The following PCDHGA3 variants were observed in gnomAD, a reference collection of about 807,000 sequenced individuals.
PCDHGA3 encodes the protein protocadherin gamma subfamily A, 3.
Under a neutral mutation model 58.5 loss-of-function variants are expected in PCDHGA3, and 40 were observed. That is an observed-to-expected ratio of 0.68 (90% CI 0.53 to 0.89). PCDHGA3 has a LOEUF of 0.89. Among genes scored for constraint, PCDHGA3 ranks in the 40% least tolerant of loss-of-function variants. PCDHGA3 has a pLI of 0.00. For synonymous variants in PCDHGA3, 530 were observed against 525.7 expected (o/e 1.01, Z -0.11); for missense variants, 1,223 against 1,195.9 (o/e 1.02, Z -0.33).
chr5:141,403,073 A>G (rs920382925), intron 1 of PCDHGA3: 4 of 1,614,056 alleles, frequency 2.5e-6, no homozygotes, highest in Non-Finnish European at 3.4e-6. Context: ...AGAGACAGAA[A>G]AGGGCTATAT....
At chr5:141,355,018 A>T in intron 1 of PCDHGA3, 1 of 878,880 alleles carries the variant, frequency 1.1e-6, no homozygotes, top group Non-Finnish European at 1.6e-6. Flanking sequence ...CAGAAATTTA[A>T]TCAGAATCAC....
chr5:141,423,121 G>T lies in PCDHGA3; in HGVS notation c.2425-71686G>T, dbSNP rs368205535. The T allele has an allele frequency of 5.6e-6, 9 of 1,613,680 alleles. No homozygotes were observed. The African/African-American group carries it at 1.1e-4, about 19-fold the overall frequency. ...CACGGGCGAGGTGCGTACAGCGCGG[G>T]CACTGCTGGACAGAGACGCGCTCAA... On this transcript the variant is annotated intron_variant, in intron 1 of 3. Coordinates refer to ENST00000253812, the MANE Select transcript of PCDHGA3 (RefSeq NM_018916.4).
chr5:141,363,555 G>A (rs758250718), intron 1 of PCDHGA3, among the ~76,000 whole-genome samples: 2 of 152,096 alleles, frequency 1.3e-5, no homozygotes, highest in Non-Finnish European at 2.9e-5. Flanking sequence ...ATTTGAACAT[G>A]GTAATAGAAA....
Position 141,370,565 on chromosome 5 carries a change from C to T in PCDHGA3, c.2424+24108C>T, listed in dbSNP as rs776498616. ...ACCTCGCCAAGGACCTGGGGTTTGG[C>T]GTGGGGGATTTACCTACTAGGAACC... On this transcript the variant is annotated intron_variant, in intron 1 of 3. Transcript: ENST00000253812. The T allele has an allele frequency of 1.9e-5, 31 of 1,613,664 alleles. No individual in the cohort carries two copies. In the Admixed American group the frequency reaches 5.2e-4, roughly 27 times the overall value.
intron 1 of PCDHGA3, chr5:141,375,260 G>A: frequency 6.2e-7 from 1 of 1,613,874 alleles, no homozygotes; most frequent in Non-Finnish European, 8.5e-7. Flanking sequence ...TCTCCCATTT[G>A]AATTGGAAAA....
chr5:141,383,615 C>G lies in PCDHGA3; in HGVS notation c.2424+37158C>G, dbSNP rs17097251. 9.9e-6 allele frequency: 16 copies of G among 1,613,694 alleles called. No homozygotes were observed. The Admixed American group carries it at 2.3e-4, about 24-fold the overall frequency. On this transcript the variant is annotated intron_variant, in intron 1 of 3. Coordinates refer to ENST00000253812, the MANE Select transcript of PCDHGA3 (RefSeq NM_018916.4). The stretch of plus-strand genomic sequence containing the variant: ...ACAGTGGTGGATGTGAATGACCACA[C>G]GCCTGTCTTCTCTCTGCCTCAGTAC...
intron 1 of PCDHGA3, chr5:141,351,130 C>A (rs1758652135): frequency 1.2e-6 from 2 of 1,614,058 alleles, no homozygotes; most frequent in Non-Finnish European, 1.7e-6. Flanking sequence ...TCTTCAATCT[C>A]AATCCAAATA....
At chr5:141,505,081 G>A (rs2099843521) in intron 2 of PCDHGA3, among the ~76,000 whole-genome samples, 3 of 152,146 alleles carry the variant, frequency 2.0e-5, no homozygotes, top group Admixed American at 2.0e-4. Flanking sequence ...AGAATCGCTT[G>A]AACCCAGGAG....
Position 141,418,146 on chromosome 5 carries a change from G to A in PCDHGA3, c.2424+71689G>A, listed in dbSNP as rs755513829. The A allele has an allele frequency of 1.1e-5, 18 of 1,613,970 alleles. No homozygotes were observed. In the South Asian group the frequency reaches 1.6e-4, roughly 15 times the overall value. ...GACCGAATAGACCGTGAGCAAATAT[G>A]CAAAGAGAGAAGAAGATGTGAGTTG... is the stretch of plus-strand genomic sequence containing the variant. On this transcript the variant is annotated intron_variant, in intron 1 of 3. Transcript: ENST00000253812.
At chr5:141,421,601 T>C (rs1309928984) in intron 1 of PCDHGA3, 19 of 1,613,652 alleles carry the variant, frequency 1.2e-5, no homozygotes, top group Non-Finnish European at 1.6e-5. Context: ...GTGGAAATAA[T>C]AGATATTAAT....
intron 1 of PCDHGA3, chr5:141,418,485 A>T: frequency 6.2e-7 from 1 of 1,614,028 alleles, no homozygotes; most frequent in Non-Finnish European, 8.5e-7. Flanking sequence ...AGCGCTCACC[A>T]CTTGGTACTG....
intron 1 of PCDHGA3, chr5:141,362,490 C>T: frequency 6.2e-7 from 1 of 1,614,048 alleles, no homozygotes; most frequent in Non-Finnish European, 8.5e-7. Flanking sequence ...GTGACAATGC[C>T]TCTTGGGAAC....
At position 141,433,290 on chromosome 5, in the gene PCDHGA3, C is replaced by T. The variant is rs186668064; in HGVS notation, c.2425-61517C>T. ...CTCACTGCAGCCTCAAACTCCTAGG[C>T]TCAAGCAATTATCCCACCTTTGCCT... On this transcript the variant is annotated intron_variant, in intron 1 of 3. Transcript: ENST00000253812. The T allele has an allele frequency of 1.6e-3, 1,738 of 1,107,746 alleles. 60 individuals carry two copies. In the Admixed American group the frequency reaches 0.041, roughly 26 times the overall value. 68.6% of individuals were successfully genotyped at this position (1,107,746 alleles called of 1,614,324 possible). A position where few individuals can be genotyped will look rare whatever the true frequency, so the allele number is the denominator to read the frequency against.
chr5:141,414,849 C>G (rs10038103), intron 1 of PCDHGA3: 1 of 1,614,134 alleles, frequency 6.2e-7, no homozygotes, highest in African/African-American at 1.3e-5. Flanking sequence ...TTGTGCTGGA[C>G]CAGAACGACA....
intron 1 of PCDHGA3, chr5:141,400,120 C>T: frequency 1.2e-6 from 2 of 1,614,076 alleles, no homozygotes; most frequent in Non-Finnish European, 1.7e-6. Flanking sequence ...TGACAGCTTG[C>T]AGGAGGTGCT....
At chr5:141,500,455 C>T (rs1254764658) in intron 2 of PCDHGA3, among the ~76,000 whole-genome samples, 4 of 151,986 alleles carry the variant, frequency 2.6e-5, no homozygotes, top group Non-Finnish European at 5.9e-5. Context: ...GTGATCCGCC[C>T]GCCTCGGCCT....
rs180741728 is a variant in PCDHGA3 at position 141,505,088 on chromosome 5, G to A, written c.2484-305G>A. Among the ~76,000 whole-genome samples the A allele has an allele frequency of 3.7e-3, 563 of 152,300 alleles. 5 individuals carry two copies. Among genetic ancestry groups the A allele is most frequent in the Admixed American group, 0.011 (163 of 15,294 alleles). On this transcript the variant is annotated intron_variant, in intron 2 of 3. Coordinates refer to ENST00000253812, the MANE Select transcript of PCDHGA3 (RefSeq NM_018916.4). ...GAGGCAGGAGAATCGCTTGAACCCA[G>A]GAGGTGGATGTTGCAATGAGCCAAG...
At chr5:141,359,473 T>A (rs1049508652) in intron 1 of PCDHGA3, among the ~76,000 whole-genome samples, 1 of 151,406 alleles carries the variant, frequency 6.6e-6, no homozygotes, top group Non-Finnish European at 1.5e-5. Context: ...TTAAACAAAT[T>A]GTTGTATATT....
Position 141,366,497 on chromosome 5 carries a change from C to T in PCDHGA3, c.2424+20040C>T, listed in dbSNP as rs776618534. On this transcript the variant is annotated intron_variant, in intron 1 of 3. Transcript: ENST00000253812. ...CAGACTGAGGCGCTGGCACAAGTCA[C>T]GCCTGCTTCAGGCTGAAGGCAGCAG... 5.0e-6 allele frequency: 8 copies of T among 1,614,136 alleles called. No individual in the cohort carries two copies. In the African/African-American group the frequency reaches 8.0e-5, roughly 16 times the overall value.
Sources: gnomAD v4.1 joint callset for allele counts (sites outside exome capture counted in the v4.1 genomes callset) on GRCh38, gnomAD v4.1.1 for gene constraint, MANE v1.5 for transcripts, NCBI Gene and HGNC (gene_info 2026-07-23, HGNC 2026-07-21) for gene names.